The following SEMA4F variants were observed in gnomAD, a reference collection of about 807,000 sequenced individuals.
SEMA4F encodes ssemaphorin 4F.
A neutral mutation model predicts 78.4 loss-of-function variants in SEMA4F; 51 were observed. The ratio of observed to expected loss-of-function variants is 0.65; its 90% CI spans 0.52 to 0.82. The LOEUF (loss-of-function observed/expected upper bound fraction) is 0.82. SEMA4F is among the 40% of genes least tolerant of loss of function. The pLI, the probability that SEMA4F is intolerant of heterozygous loss-of-function variation, is 0.00. For synonymous variants in SEMA4F, 418 were observed against 408.7 expected (o/e 1.02, Z -0.27); for missense variants, 938 against 1,014.4 (o/e 0.92, Z 1.02).
chr2:74,674,144 G>C, intron 7 of SEMA4F, among the ~76,000 whole-genome samples: 1 of 152,226 alleles, frequency 6.6e-6, no homozygotes, highest in Non-Finnish European at 1.5e-5. Flanking sequence ...TTGCAACTCT[G>C]TCCAGGTTCT....
intron 5 of SEMA4F, among the ~76,000 whole-genome samples, chr2:74,670,113 T>G (rs1684905847): frequency 6.6e-6 from 1 of 152,214 alleles, no homozygotes; most frequent in African/African-American, 2.4e-5. Flanking sequence ...GGATGTGGCC[T>G]TGATCCATTC....
chr2:74,705,179 C>G, the SEMA4F span, among the ~76,000 whole-genome samples: 1 of 152,142 alleles, frequency 6.6e-6, no homozygotes, highest in Admixed American at 6.5e-5. Flanking sequence ...AAAGAATGAC[C>G]GTATACCCTG....
At chr2:74,660,115 A>T (rs1343610615) in intron 4 of SEMA4F, among the ~76,000 whole-genome samples, 1 of 152,262 alleles carries the variant, frequency 6.6e-6, no homozygotes, top group East Asian at 1.9e-4. Flanking sequence ...GGTATTAGGT[A>T]CTTTACATTA....
the SEMA4F span, among the ~76,000 whole-genome samples, chr2:74,693,965 T>C: frequency 6.6e-6 from 1 of 152,228 alleles, no homozygotes; most frequent in African/African-American, 2.4e-5. Context: ...AAGTAAATTC[T>C]CAGAAACGGG....
chr2:74,700,881 A>T, the SEMA4F span, among the ~76,000 whole-genome samples: 1 of 152,154 alleles, frequency 6.6e-6, no homozygotes, highest in African/African-American at 2.4e-5. Flanking sequence ...GTCTCTGGAG[A>T]ATTCCTGGTT....
rs200935638 is a variant in SEMA4F at position 74,662,781 on chromosome 2, A to G, written c.506A>G (p.Lys169Arg). 64 of 1,614,154 alleles carry G rather than the reference A, an allele frequency of 4.0e-5. 1 individual carries two copies. The highest frequency in any genetic ancestry group is 3.3e-4 in the Middle Eastern group (2 of 6,062). The change falls in exon 5 of 14, where the codon AAA becomes AGA. Residue 169 changes from lysine to arginine, a missense_variant. By Grantham distance (26) the Lys-to-Arg change is conservative. Coordinates refer to ENST00000357877, the MANE Select transcript of SEMA4F (RefSeq NM_004263.5). ...GAAAGACTTGAGAGTGGCCGGGGGA[A>G]ATGTCCTTTTGAGCCAGCTCAGCGG... is the stretch of plus-strand genomic sequence containing the variant. The part of the protein sequence containing the change: ...QVERLESGRG[K>R]CPFEPAQRSA...
the SEMA4F span, among the ~76,000 whole-genome samples, chr2:74,690,378 T>G: frequency 3.3e-5 from 5 of 152,194 alleles, no homozygotes; most frequent in African/African-American, 1.2e-4. Flanking sequence ...TATTTATTTA[T>G]TTTTTACAAT....
At chr2:74,668,996 C>T (rs955014613) in intron 5 of SEMA4F, among the ~76,000 whole-genome samples, 1 of 151,058 alleles carries the variant, frequency 6.6e-6, no homozygotes, top group Non-Finnish European at 1.5e-5. Flanking sequence ...TGTGGTAGCT[C>T]ACACCTGTAA....
At position 74,681,931 on chromosome 2, in the gene SEMA4F, G is replaced by A. The variant is rs767669523; in HGVS notation, c.*1722G>A. On this transcript the variant is annotated 3_prime_UTR_variant, in exon 14 of 14. Transcript: ENST00000357877. ...TGCCACTAGTAAATGTGTGATCTTC[G>A]GCAAGTAACCTAACCTAGGGACATC... The A allele has an allele frequency of 2.6e-5, 4 of 152,520 alleles. No individual in the cohort carries two copies. The highest frequency in any genetic ancestry group is 6.5e-5 in the Admixed American group (1 of 15,278). The allele number at this position is 152,520 out of a possible 1,614,324, so 9.4% of individuals were successfully genotyped here.
At chr2:74,666,900 A>G (rs1684723921) in intron 5 of SEMA4F, among the ~76,000 whole-genome samples, 1 of 152,222 alleles carries the variant, frequency 6.6e-6, no homozygotes, top group Non-Finnish European at 1.5e-5. Context: ...GCATTGTAGA[A>G]AATTGAGAAA....
intron 4 of SEMA4F, among the ~76,000 whole-genome samples, chr2:74,661,304 G>A (rs903010575): frequency 1.3e-5 from 2 of 152,192 alleles, no homozygotes; most frequent in Non-Finnish European, 2.9e-5. Flanking sequence ...TGGCTGATGA[G>A]GTTGTACTCC....
At position 74,679,870 on chromosome 2, in the gene SEMA4F, A is replaced by G. The variant is rs147771958; in HGVS notation, c.1974A>G (p.Thr658=). ...GAGATGCTCCGAGCCGGGCCCACACAGTGGGGGCGGGACTGGCTGGCTTCT... is the reference window on the plus strand; with the variant it reads ...GAGATGCTCCGAGCCGGGCCCACACGGTGGGGGCGGGACTGGCTGGCTTCT... The part of the protein sequence containing the change: ...SQRDAPSRAH[T]VGAGLAGFFL... The change falls in exon 14 of 14, where the codon ACA becomes ACG. Residue 658 remains threonine, a synonymous_variant. Coordinates refer to ENST00000357877, the MANE Select transcript of SEMA4F (RefSeq NM_004263.5). 1.1e-4 allele frequency: 184 copies of G among 1,614,178 alleles called. No individual in the cohort carries two copies. In the African/African-American group the frequency reaches 2.1e-3, roughly 19 times the overall value.
intron 7 of SEMA4F, among the ~76,000 whole-genome samples, chr2:74,674,242 C>T (rs186287033): frequency 9.2e-5 from 14 of 152,240 alleles, no homozygotes; most frequent in South Asian, 2.1e-4. Context: ...AGGTAACTTA[C>T]GTAAAACACA....
chr2:74,666,683 T>C lies in SEMA4F; in HGVS notation c.550+3858T>C, dbSNP rs1022789819. The stretch of plus-strand genomic sequence containing the variant: ...TGGGGCTTTCAAGAATGATTCATTA[T>C]GCCTTGCTTTGCCTCTGTTTTGAAA... On this transcript the variant is annotated intron_variant, in intron 5 of 13. Coordinates refer to ENST00000357877, the MANE Select transcript of SEMA4F (RefSeq NM_004263.5). 2.9e-4 allele frequency among the ~76,000 whole-genome samples: 44 copies of C among 152,364 alleles called. 1 individual carries two copies. The Middle Eastern group carries it at 0.01, about 35-fold the overall frequency.
the SEMA4F span, among the ~76,000 whole-genome samples, chr2:74,697,965 A>G: frequency 1.3e-5 from 2 of 152,116 alleles, no homozygotes; most frequent in Admixed American, 6.5e-5. Flanking sequence ...GTTCACTCAC[A>G]GGCAGCAAGG....
chr2:74,679,383 A>G, intron 13 of SEMA4F, 49 bp downstream of exon 13: 2 of 1,526,482 alleles, frequency 1.3e-6, no homozygotes, highest in African/African-American at 1.4e-5. Flanking sequence ...AGTGGATGGA[A>G]AGGGGCTAGA....
chr2:74,687,710 T>C (rs993190484), downstream of SEMA4F, among the ~76,000 whole-genome samples: 5 of 152,228 alleles, frequency 3.3e-5, no homozygotes, highest in African/African-American at 1.2e-4. Context: ...TGGCAGCCCC[T>C]GGGATCCTCT....
intron 2 of SEMA4F, 121 bp downstream of exon 2, chr2:74,656,806 G>A: frequency 2.7e-6 from 3 of 1,097,998 alleles, no homozygotes; most frequent in South Asian, 3.0e-5. Context: ...GTAGTAGGAG[G>A]GGGTGAGTTG....
chr2:74,674,719 A>G (rs1432055120), intron 8 of SEMA4F, 43 bp downstream of exon 8: 1 of 1,599,484 alleles, frequency 6.3e-7, no homozygotes, highest in East Asian at 2.2e-5. Context: ...GGTGGGAGAT[A>G]TGTGGGGTTG....
Sources: allele counts gnomAD v4.1 joint callset (sites outside exome capture counted in the v4.1 genomes callset), GRCh38; gene constraint gnomAD v4.1.1; transcripts MANE v1.5; gene names NCBI Gene and HGNC (gene_info 2026-07-23, HGNC 2026-07-21).